GLIS3: variants seen among roughly 807,000 people sequenced by gnomAD.
GLIS3 encodes the protein zinc finger protein GLIS3.
Under a neutral mutation model 78.6 loss-of-function variants are expected in GLIS3, and 53 were observed. That is an observed-to-expected ratio of 0.67 (90% confidence interval 0.54 to 0.85). GLIS3 has a LOEUF of 0.85. Ranked by LOEUF, GLIS3 falls within the 40% of genes least tolerant of loss-of-function variation. GLIS3 has a pLI of 0.00. For missense variants in GLIS3, 1,703 were observed against 1,231.1 expected (o/e 1.38, Z -5.74); for synonymous variants, 684 against 509.9 (o/e 1.34, Z -4.60).
chr9:4,339,430 T>A (rs976217230), intron 2 of GLIS3, among the ~76,000 whole-genome samples: 4 of 152,156 alleles, frequency 2.6e-5, no homozygotes, highest in African/African-American at 9.7e-5. Flanking sequence ...CGTCTTTATT[T>A]TTAAAGAATG....
At chr9:4,339,517 G>C (rs1817802176) in intron 2 of GLIS3, among the ~76,000 whole-genome samples, 1 of 151,568 alleles carries the variant, frequency 6.6e-6, no homozygotes, top group South Asian at 2.1e-4. Flanking sequence ...GCCGCCTAGA[G>C]GCCAAATAGG....
intron 2 of GLIS3, among the ~76,000 whole-genome samples, chr9:4,178,973 A>T (rs10733506): frequency 0.72 from 109,850 of 152,094 alleles, 40,751 homozygotes; most frequent in South Asian, 0.86. Context: ...AGTTTAAAGA[A>T]AATGTGAATT....
At chr9:4,367,586 A>G in the GLIS3 span, among the ~76,000 whole-genome samples, 3 of 144,036 alleles carry the variant, frequency 2.1e-5, no homozygotes, top group African/African-American at 7.9e-5. Flanking sequence ...GTGAGCCAAG[A>G]TCATGCCACT....
chr9:4,464,275 A>G, the GLIS3 span, among the ~76,000 whole-genome samples: 1 of 152,204 alleles, frequency 6.6e-6, no homozygotes, highest in East Asian at 1.9e-4. Context: ...ATTTAATAAA[A>G]TTGTTTTAGT....
At chr9:4,468,509 C>A in the GLIS3 span, among the ~76,000 whole-genome samples, 1 of 152,140 alleles carries the variant, frequency 6.6e-6, no homozygotes, top group Admixed American at 6.5e-5. Flanking sequence ...GAATTTTCAA[C>A]CCAGAATTTC....
At chr9:4,364,789 G>C in the GLIS3 span, among the ~76,000 whole-genome samples, 1 of 94,628 alleles carries the variant, frequency 1.1e-5, no homozygotes, top group Admixed American at 1.6e-4. Flanking sequence ...TAAAGAGACA[G>C]GGTCCTGCTA....
chr9:3,907,062 T>G (rs185155782), intron 6 of GLIS3, among the ~76,000 whole-genome samples: 2 of 152,034 alleles, frequency 1.3e-5, no homozygotes, highest in Admixed American at 1.3e-4. Context: ...CAGAATCCAC[T>G]TTCAACACTC....
At chr9:4,339,579 T>C (rs986779845) in intron 2 of GLIS3, among the ~76,000 whole-genome samples, 1 of 150,958 alleles carries the variant, frequency 6.6e-6, no homozygotes, top group Non-Finnish European at 1.5e-5. Flanking sequence ...CTGTTGCTTC[T>C]GGTCCTTCTG....
At chr9:3,830,421 T>C (rs967609138) in intron 9 of GLIS3, among the ~76,000 whole-genome samples, 8 of 152,242 alleles carry the variant, frequency 5.3e-5, no homozygotes, top group African/African-American at 1.9e-4. Flanking sequence ...GCATTGTGGC[T>C]CTGCTGTTAA....
chr9:3,953,547 G>C (rs1230364470), intron 4 of GLIS3, among the ~76,000 whole-genome samples: 1 of 152,116 alleles, frequency 6.6e-6, no homozygotes, highest in African/African-American at 2.4e-5. Context: ...CAATGACACA[G>C]TAATATAGAT....
intron 4 of GLIS3, among the ~76,000 whole-genome samples, chr9:4,016,908 G>A (rs1477512276): frequency 6.6e-6 from 1 of 152,252 alleles, no homozygotes; most frequent in South Asian, 2.1e-4. Context: ...AACTGCTGAG[G>A]TCTCACTCTT....
intron 2 of GLIS3, among the ~76,000 whole-genome samples, chr9:4,208,162 G>T (rs930024864): frequency 6.6e-6 from 1 of 152,202 alleles, no homozygotes; most frequent in African/African-American, 2.4e-5. Context: ...TGACAAAGCA[G>T]ATTCTTGCCA....
intron 1 of GLIS3, among the ~76,000 whole-genome samples, chr9:4,298,895 C>T (rs537490552): frequency 1.3e-5 from 2 of 152,138 alleles, no homozygotes; most frequent in African/African-American, 4.8e-5. Context: ...AAACAGCCTT[C>T]GTGAAACTCC....
chr9:4,323,422 A>G (rs1228274156), intron 2 of GLIS3, among the ~76,000 whole-genome samples: 6 of 151,986 alleles, frequency 3.9e-5, no homozygotes, highest in South Asian at 2.1e-4. Flanking sequence ...TTTCCACCCA[A>G]TGTTATGTTG....
the GLIS3 span, among the ~76,000 whole-genome samples, chr9:4,364,756 C>CTTTTTTTTTTTTTT: frequency 4.7e-4 from 29 of 61,100 alleles, 4 homozygotes; most frequent in Admixed American, 6.5e-4. Flanking sequence ...TCATGTATTG[C>CTTTTTTTTTTTTTT]TTTTTTTTTT....
At chr9:4,042,235 A>G (rs1175650184) in intron 4 of GLIS3, among the ~76,000 whole-genome samples, 2 of 152,142 alleles carry the variant, frequency 1.3e-5, no homozygotes, top group Admixed American at 6.5e-5. Flanking sequence ...CACCCTAGTA[A>G]TTCCCATGGC....
chr9:3,940,204 A>C (rs1246907560), intron 4 of GLIS3, among the ~76,000 whole-genome samples: 4 of 152,356 alleles, frequency 2.6e-5, no homozygotes, highest in African/African-American at 9.6e-5. Flanking sequence ...GGCTTATAAA[A>C]GATTGTTACA....
intron 7 of GLIS3, among the ~76,000 whole-genome samples, chr9:3,897,376 C>T (rs2130591212): frequency 6.6e-6 from 1 of 152,152 alleles, no homozygotes; most frequent in Middle Eastern, 3.4e-3. Flanking sequence ...AATAAATGTT[C>T]ATATATCAAA....
chr9:4,482,299 T>C, the GLIS3 span, among the ~76,000 whole-genome samples: 3 of 152,390 alleles, frequency 2.0e-5, no homozygotes, highest in Middle Eastern at 3.4e-3. Context: ...AGATAAGTTC[T>C]TTCCAGCCAT....
Sources: allele counts gnomAD v4.1 joint callset (sites outside exome capture counted in the v4.1 genomes callset), GRCh38; gene constraint gnomAD v4.1.1; transcripts MANE v1.5; gene names NCBI Gene and HGNC (gene_info 2026-07-23, HGNC 2026-07-21).